Variants in SERTM1 observed in about 807,000 individuals in gnomAD.
The protein encoded by SERTM1 is serine-rich and transmembrane domain-containing protein 1.
SERTM1 carries 1 observed loss-of-function variant against 5.5 expected under a neutral mutation model. The observed-to-expected ratio is 0.18, with a 90% confidence interval of 0.06 to 0.86. The LOEUF is 0.86. SERTM1 is among the 40% of genes least tolerant of loss of function. The probability of loss-of-function intolerance (pLI) is 0.69; values close to 1 mark genes in which losing one functional copy is unlikely to be tolerated. For missense variants in SERTM1, 91 were observed against 122.4 expected (o/e 0.74, Z 1.21); for synonymous variants, 52 against 55.1 (o/e 0.94, Z 0.25).
chr13:36,681,596 C>T (rs1210082772), intron 1 of SERTM1, among the ~76,000 whole-genome samples: 1 of 152,204 alleles, frequency 6.6e-6, no homozygotes. Context: ...GCTTCCCCTA[C>T]AATGATCATG....
chr13:36,691,104 T>C (rs980237159), intron 1 of SERTM1, among the ~76,000 whole-genome samples: 4 of 152,230 alleles, frequency 2.6e-5, no homozygotes, highest in Non-Finnish European at 5.9e-5. Flanking sequence ...TACAAACTAT[T>C]GTGTCATAGA....
At position 36,695,321 on chromosome 13, in the gene SERTM1, C is replaced by A; in HGVS notation, c.243C>A (p.Ser81Arg). The A allele has an allele frequency of 1.2e-6, 2 of 1,614,030 alleles. No individual in the cohort carries two copies. The highest frequency in any genetic ancestry group is 1.7e-6 in the Non-Finnish European group (2 of 1,179,946). Residue 81 changes from serine (S) to arginine (R), a missense_variant, in exon 2 of 2, where the codon AGC becomes AGA. By Grantham distance (110) the Ser-to-Arg change is moderately radical. Coordinates refer to ENST00000315190, the MANE Select transcript of SERTM1 (RefSeq NM_203451.3). Reference protein sequence around the residue: ...SSSSSYPEYPSDAGSSFTNLE... With the variant: ...SSSSSYPEYPRDAGSSFTNLE... ...GTTCCTCCTACCCAGAGTATCCAAGCGACGCTGGAAGTTCTTTCACCAATT... is the reference window on the plus strand; with the variant it reads ...GTTCCTCCTACCCAGAGTATCCAAGAGACGCTGGAAGTTCTTTCACCAATT...
chr13:36,674,411 G>A (rs1341372604), intron 1 of SERTM1, among the ~76,000 whole-genome samples: 1 of 152,078 alleles, frequency 6.6e-6, no homozygotes, highest in Non-Finnish European at 1.5e-5. Context: ...TCGCAGCCCG[G>A]CTCTCCGAGT....
rs555206727 is a variant in SERTM1, at chr13:36,690,590, G to A, written c.-173-4316G>A. Among the ~76,000 whole-genome samples, 172 of 152,270 alleles carry A rather than the reference G, an allele frequency of 1.1e-3. 2 individuals carry two copies. The highest frequency in any genetic ancestry group is 4.0e-3 in the African/African-American group (168 of 41,564). The stretch of plus-strand genomic sequence containing the variant: ...TTAAAAGAGAAGATAATCATGCAAA[G>A]GGTAAAGGAATGGCTGCAAGGTCTT... On this transcript the variant is annotated intron_variant, in intron 1 of 1. Transcript: ENST00000315190.
intron 1 of SERTM1, among the ~76,000 whole-genome samples, chr13:36,689,609 T>C (rs2056765070): frequency 6.6e-6 from 1 of 150,392 alleles, no homozygotes; most frequent in East Asian, 1.9e-4. Context: ...ATAATTACTT[T>C]TGAGACTGTA....
intron 1 of SERTM1, among the ~76,000 whole-genome samples, chr13:36,684,655 GTGTCTC>G (rs1002075367): frequency 1.8e-4 from 28 of 151,790 alleles, no homozygotes; most frequent in Non-Finnish European, 4.0e-4. Context: ...CTGCCATGAT[GTGTCTC>G]TGCATCCCAG....
chr13:36,683,100 G>A (rs2056716465), intron 1 of SERTM1, among the ~76,000 whole-genome samples: 1 of 152,074 alleles, frequency 6.6e-6, no homozygotes, highest in Non-Finnish European at 1.5e-5. Context: ...GGAGTCATGA[G>A]TTAGTCTTAA....
rs2056824669 is a variant in SERTM1, at chr13:36,697,567, G to A, written c.*2165G>A. The A allele has an allele frequency of 6.0e-6, 1 of 166,602 alleles. No homozygotes were observed. The highest frequency in any genetic ancestry group is 2.4e-5 in the African/African-American group (1 of 41,294). The allele number at this position is 166,602 out of a possible 1,614,324, so 10.3% of individuals were successfully genotyped here. ...ATCTTTATATCCTTTCCATGTGAAA[G>A]AGATATAAAGAATTCTGACAGCAAA... On this transcript the variant is annotated 3_prime_UTR_variant, in exon 2 of 2. Transcript: ENST00000315190.
intron 1 of SERTM1, among the ~76,000 whole-genome samples, chr13:36,690,885 T>C (rs1411222478): frequency 6.6e-6 from 1 of 152,226 alleles, no homozygotes; most frequent in Non-Finnish European, 1.5e-5. Context: ...CAGAACCTGA[T>C]AATGATGGAA....
intron 1 of SERTM1, among the ~76,000 whole-genome samples, chr13:36,680,161 TCTC>T (rs2056694788): frequency 6.6e-6 from 1 of 152,148 alleles, no homozygotes; most frequent in Non-Finnish European, 1.5e-5. Context: ...CCTCTGCCAT[TCTC>T]CTCAAGGCAA....
Position 36,695,167 on chromosome 13 carries a change from C to T in SERTM1, c.89C>T (p.Ser30Leu), listed in dbSNP as rs1234968063. The T allele has an allele frequency of 1.9e-6, 3 of 1,612,848 alleles. No individual in the cohort carries two copies. Among genetic ancestry groups the T allele is most frequent in the African/African-American group, 2.7e-5 (2 of 74,952 alleles). ...CTGTTTCCCACATCCCTGTCCACGT[C>T]AGTGGACCCATCCTCAGGCCACCTG... is the stretch of plus-strand genomic sequence containing the variant. ...LELFPTSLST[S>L]VDPSSGHLSN... The change falls in exon 2 of 2, where the codon TCA becomes TTA. Residue 30 changes from serine to leucine, a missense_variant. Ser to Leu is a moderately radical substitution (Grantham distance 145). Transcript: ENST00000315190.
At chr13:36,690,441 A>T (rs539538944) in intron 1 of SERTM1, among the ~76,000 whole-genome samples, 1 of 152,304 alleles carries the variant, frequency 6.6e-6, no homozygotes, top group South Asian at 2.1e-4. Flanking sequence ...CCAGGGGTAA[A>T]TGTTTGCCTT....
chr13:36,691,713 G>C (rs1425121196), intron 1 of SERTM1, among the ~76,000 whole-genome samples: 1 of 152,080 alleles, frequency 6.6e-6, no homozygotes, highest in African/African-American at 2.4e-5. Flanking sequence ...ACAGGTCAAG[G>C]CTATGCATTT....
In SERTM1 at chr13:36,695,334, T is replaced by C. The variant is rs1233844389; in HGVS notation, c.256T>C (p.Ser86Pro). Residue 86 changes from serine (S) to proline (P), a missense_variant, in exon 2 of 2, where the codon TCT becomes CCT. Transcript: ENST00000315190. ...AGAGTATCCAAGCGACGCTGGAAGT[T>C]CTTTCACCAATTTGGAAGTCTGCAG... ...YPEYPSDAGS[S>P]FTNLEVCSIS... 1 of 1,614,204 alleles carries C rather than the reference T, an allele frequency of 6.2e-7. No individual in the cohort carries two copies. The highest frequency in any genetic ancestry group is 8.5e-7 in the Non-Finnish European group (1 of 1,180,030).
At chr13:36,675,143 G>A (rs1016614759) in intron 1 of SERTM1, among the ~76,000 whole-genome samples, 3 of 152,088 alleles carry the variant, frequency 2.0e-5, no homozygotes, top group African/African-American at 7.2e-5. Context: ...CTAGAGATGG[G>A]GTCTGTTTGT....
chr13:36,688,287 C>T (rs2056755537), intron 1 of SERTM1, among the ~76,000 whole-genome samples: 1 of 151,886 alleles, frequency 6.6e-6, no homozygotes, highest in Non-Finnish European at 1.5e-5. Context: ...GATCATGGCT[C>T]ACTGTAGCCT....
At chr13:36,678,744 A>T (rs1426223179) in intron 1 of SERTM1, among the ~76,000 whole-genome samples, 1 of 148,086 alleles carries the variant, frequency 6.8e-6, no homozygotes, top group Admixed American at 6.8e-5. Context: ...CCACTGTGTG[A>T]CTCTTCTGTC....
intron 1 of SERTM1, among the ~76,000 whole-genome samples, chr13:36,675,870 A>AT (rs1241455886): frequency 7.9e-5 from 12 of 152,284 alleles, no homozygotes; most frequent in African/African-American, 2.9e-4. Context: ...TGGGTGGGAT[A>AT]TTCCATTTTT....
At chr13:36,677,044 A>G (rs2056674161) in intron 1 of SERTM1, among the ~76,000 whole-genome samples, 1 of 152,144 alleles carries the variant, frequency 6.6e-6, no homozygotes. Context: ...GCCGGGCAAC[A>G]GTCTACTGGG....
Sources: allele counts gnomAD v4.1 joint callset (sites outside exome capture counted in the v4.1 genomes callset), GRCh38; gene constraint gnomAD v4.1.1; transcripts MANE v1.5; gene names NCBI Gene and HGNC (gene_info 2026-07-23, HGNC 2026-07-21).